Variants in CRACD observed in about 807,000 individuals in gnomAD.
CRACD encodes the protein capping protein inhibiting regulator of actin dynamics.
Under a neutral mutation model 106.8 loss-of-function variants are expected in CRACD, and 56 were observed. The ratio of observed to expected loss-of-function variants is 0.52; its 90% CI spans 0.42 to 0.66. The LOEUF (loss-of-function observed/expected upper bound fraction) is 0.66, where lower values mean the gene tolerates loss of function less well. Ranked by LOEUF, CRACD falls within the 30% of genes least tolerant of loss-of-function variation. The probability of loss-of-function intolerance (pLI) is 0.00; values close to 1 mark genes in which losing one functional copy is unlikely to be tolerated. For synonymous variants in CRACD, 754 were observed against 670.8 expected, an observed-to-expected ratio of 1.12 and a Z score of -1.92; for missense variants, 1,730 against 1,623.2, an observed-to-expected ratio of 1.07 and a Z score of -1.13.
chr4:56,099,970 C>T (rs558320483), intron 1 of CRACD, among the ~76,000 whole-genome samples: 106 of 152,212 alleles, frequency 7.0e-4, no homozygotes, highest in African/African-American at 2.0e-3. Flanking sequence ...TGGCCAGGCA[C>T]GGTGGCTCAT....
chr4:56,327,558 C>A, intron 10 of CRACD, 86 bp from the exon 11 acceptor site: 1 of 1,152,348 alleles, frequency 8.7e-7, no homozygotes, highest in Non-Finnish European at 1.3e-6. Context: ...ATGATAAATA[C>A]ATAGTTTATC....
intron 1 of CRACD, among the ~76,000 whole-genome samples, chr4:56,091,523 G>A (rs1733425139): frequency 6.6e-6 from 1 of 152,126 alleles, no homozygotes; most frequent in Non-Finnish European, 1.5e-5. Flanking sequence ...TCATAGTGTA[G>A]CTGGAGTTTC....
At chr4:56,120,504 A>G (rs1426287538) in intron 1 of CRACD, among the ~76,000 whole-genome samples, 1 of 152,236 alleles carries the variant, frequency 6.6e-6, no homozygotes, top group Non-Finnish European at 1.5e-5. Flanking sequence ...ATTATGACGC[A>G]GCCAACCAAA....
intron 3 of CRACD, among the ~76,000 whole-genome samples, chr4:56,274,928 C>T (rs530016411): frequency 3.9e-5 from 6 of 152,298 alleles, no homozygotes; most frequent in African/African-American, 1.4e-4. Context: ...AGTGCATATG[C>T]ACCATGGAAT....
At chr4:56,222,038 G>T (rs1382964460) in intron 2 of CRACD, among the ~76,000 whole-genome samples, 1 of 152,124 alleles carries the variant, frequency 6.6e-6, no homozygotes, top group African/African-American at 2.4e-5. Context: ...CCCACTACTG[G>T]CTATCTACCC....
chr4:56,072,045 G>A (rs1408660071), intron 1 of CRACD, among the ~76,000 whole-genome samples: 13 of 149,868 alleles, frequency 8.7e-5, no homozygotes, highest in African/African-American at 3.2e-4. Context: ...GGAGAATGGC[G>A]TGAACCCGGG....
intron 2 of CRACD, among the ~76,000 whole-genome samples, chr4:56,240,696 G>A (rs1042909139): frequency 9.2e-5 from 14 of 152,078 alleles, no homozygotes; most frequent in Non-Finnish European, 1.6e-4. Flanking sequence ...ACAGGATCTT[G>A]CTGTATTGCC....
intron 2 of CRACD, chr4:56,246,816 TAGCTTGC>T (rs1740709318): frequency 6.6e-6 from 1 of 152,246 alleles, no homozygotes; most frequent in Non-Finnish European, 1.5e-5. Flanking sequence ...CATCAGAATA[TAGCTTGC>T]AGCTTCCTGC....
At chr4:56,073,771 C>T (rs1732743877) in intron 1 of CRACD, among the ~76,000 whole-genome samples, 1 of 134,734 alleles carries the variant, frequency 7.4e-6, no homozygotes, top group Non-Finnish European at 1.6e-5. Flanking sequence ...GTCATGAAGC[C>T]TTTGCCCATG....
In CRACD at chr4:56,323,377, A is replaced by G; in HGVS notation, c.3188A>G (p.Glu1063Gly). ...CCGTTCTTTGTCTTATTCCCCACAG[A>G]GAAGCCGATGCTTCAGAGCAGACAC... is the stretch of plus-strand genomic sequence containing the variant. ...PSQTPEAGRK[E>G]KPMLQSRHSL... is the part of the protein sequence containing the mutation. The change falls in exon 9 of 11, where the codon GAG becomes GGG. Residue 1063 changes from glutamate (E) to glycine (G), a missense_variant and splice_region_variant. Coordinates refer to ENST00000682029, the MANE Select transcript of CRACD (RefSeq NM_001393381.1). 2 of 1,594,092 alleles carry G rather than the reference A, an allele frequency of 1.3e-6. No individual in the cohort carries two copies. The highest frequency in any genetic ancestry group is 1.7e-6 in the Non-Finnish European group (2 of 1,175,368).
chr4:56,082,926 G>A (rs1733084812), intron 1 of CRACD, among the ~76,000 whole-genome samples: 1 of 151,954 alleles, frequency 6.6e-6, no homozygotes, highest in African/African-American at 2.4e-5. Context: ...AATTGAAGGA[G>A]TAGAAAATAG....
At chr4:56,236,559 G>A (rs914543708) in intron 2 of CRACD, among the ~76,000 whole-genome samples, 1 of 152,130 alleles carries the variant, frequency 6.6e-6, no homozygotes, top group South Asian at 2.1e-4. Flanking sequence ...ACTCACACAG[G>A]TGGGCCACTG....
intron 2 of CRACD, among the ~76,000 whole-genome samples, chr4:56,200,573 G>A (rs1363132007): frequency 1.3e-5 from 2 of 152,088 alleles, no homozygotes; most frequent in East Asian, 3.8e-4. Flanking sequence ...ATATTGCCAA[G>A]AACAAGAAAT....
chr4:56,307,821 A>C, intron 5 of CRACD, 122 bp downstream of exon 5: 54 of 890,182 alleles, frequency 6.1e-5, no homozygotes, highest in Non-Finnish European at 8.6e-5. Flanking sequence ...TGAGTAGCTC[A>C]GGGCTTGAGG....
At chr4:56,054,886 G>A (rs1219398770) in intron 1 of CRACD, among the ~76,000 whole-genome samples, 1 of 152,196 alleles carries the variant, frequency 6.6e-6, no homozygotes, top group Non-Finnish European at 1.5e-5. Flanking sequence ...TCTTCACCAG[G>A]TCTTTCAGAT....
At chr4:56,297,692 C>T (rs1300853694) in intron 3 of CRACD, 1 of 152,336 alleles carries the variant, frequency 6.6e-6, no homozygotes, top group African/African-American at 2.4e-5. Context: ...ACACAAATGT[C>T]TCCCATTTTC....
chr4:56,263,527 C>T (rs190900687), intron 2 of CRACD, among the ~76,000 whole-genome samples: 2 of 152,260 alleles, frequency 1.3e-5, no homozygotes, highest in East Asian at 3.9e-4. Flanking sequence ...CCTATGTCTT[C>T]ATATTGCCTT....
At chr4:56,180,098 G>T (rs1736749596) in intron 2 of CRACD, among the ~76,000 whole-genome samples, 1 of 152,090 alleles carries the variant, frequency 6.6e-6, no homozygotes, top group Non-Finnish European at 1.5e-5. Context: ...GTGTCTCATG[G>T]TGCTTTTGAG....
chr4:56,232,743 G>T (rs1441451499), intron 2 of CRACD, among the ~76,000 whole-genome samples: 1 of 52,750 alleles, frequency 1.9e-5, no homozygotes, highest in Non-Finnish European at 4.1e-5. Flanking sequence ...TTTATTTTTT[G>T]AGATGGAGTC....
Sources: allele counts gnomAD v4.1 joint callset (sites outside exome capture counted in the v4.1 genomes callset), GRCh38; gene constraint gnomAD v4.1.1; transcripts MANE v1.5; gene names NCBI Gene and HGNC (gene_info 2026-07-23, HGNC 2026-07-21).